The following MYO1D variants were observed in gnomAD, a reference collection of about 807,000 sequenced individuals.
The protein encoded by MYO1D is myosin ID.
Under a neutral mutation model 122.0 loss-of-function variants are expected in MYO1D, and 83 were observed. The ratio of observed to expected loss-of-function variants is 0.68; its 90% CI spans 0.57 to 0.82. The LOEUF (loss-of-function observed/expected upper bound fraction) is 0.82, where lower values mean the gene tolerates loss of function less well. Among genes scored for constraint, MYO1D ranks in the 40% least tolerant of loss-of-function variants. MYO1D has a pLI of 0.00. For missense variants in MYO1D, 1,157 were observed against 1,269.5 expected (o/e 0.91, Z 1.35); for synonymous variants, 464 against 446.9 (o/e 1.04, Z -0.48).
intron 11 of MYO1D, among the ~76,000 whole-genome samples, chr17:32,753,665 CA>C (rs759025928): frequency 2.0e-4 from 30 of 151,998 alleles, no homozygotes; most frequent in Non-Finnish European, 3.7e-4. Context: ...TGTGGAGACC[CA>C]TGTGGGCAGA....
At chr17:32,843,771 A>G (rs1296929308) in intron 1 of MYO1D, among the ~76,000 whole-genome samples, 1 of 152,232 alleles carries the variant, frequency 6.6e-6, no homozygotes, top group Non-Finnish European at 1.5e-5. Flanking sequence ...TAGAATTAAC[A>G]TGAAGAAAAT....
chr17:32,639,363 T>G (rs2955819), intron 19 of MYO1D, among the ~76,000 whole-genome samples: 42,028 of 128,138 alleles, frequency 0.33, 7,143 homozygotes, highest in East Asian at 0.39. Flanking sequence ...GGGAGAAATT[T>G]TGTGTGTGTG....
intron 16 of MYO1D, among the ~76,000 whole-genome samples, chr17:32,668,990 C>T (rs965456679): frequency 2.0e-5 from 3 of 152,034 alleles, no homozygotes; most frequent in Non-Finnish European, 4.4e-5. Context: ...GTGTGAGCCA[C>T]TGCGCCTGGC....
intron 1 of MYO1D, among the ~76,000 whole-genome samples, chr17:32,828,493 A>G (rs1191198426): frequency 6.8e-5 from 9 of 131,840 alleles, no homozygotes; most frequent in South Asian, 2.6e-4. Context: ...TCCAGCCTGG[A>G]CGACAGAGCG....
intron 12 of MYO1D, among the ~76,000 whole-genome samples, chr17:32,746,230 GTCT>G (rs1406618032): frequency 6.6e-6 from 1 of 152,124 alleles, no homozygotes; most frequent in Admixed American, 6.5e-5. Flanking sequence ...CCCGACCTAG[GTCT>G]TCTTAATACT....
rs575560234 is a variant in MYO1D at position 32,872,017 on chromosome 17, C to G, written c.95+4761G>C. 3.3e-5 allele frequency among the ~76,000 whole-genome samples: 5 copies of G among 152,196 alleles called. No homozygotes were observed. The South Asian group carries it at 1.0e-3, about 32-fold the overall frequency. On this transcript the variant is annotated intron_variant, in intron 1 of 21. Transcript: ENST00000318217. ...ATCAGGGTTGCTGGCAGGAACTGCTCCTGACCATGGAAGCAGGCAGGACTC... is the reference window on the plus strand; with the variant it reads ...ATCAGGGTTGCTGGCAGGAACTGCTGCTGACCATGGAAGCAGGCAGGACTC...
At chr17:32,787,284 C>A (rs1311190419) in intron 1 of MYO1D, among the ~76,000 whole-genome samples, 1 of 152,010 alleles carries the variant, frequency 6.6e-6, no homozygotes, top group African/African-American at 2.4e-5. Flanking sequence ...TATGTAAAAT[C>A]TTAAATTTTT....
chr17:32,763,581 A>G (rs2090024294), intron 8 of MYO1D, among the ~76,000 whole-genome samples: 1 of 152,224 alleles, frequency 6.6e-6, no homozygotes, highest in South Asian at 2.1e-4. Flanking sequence ...AAAAGTAACA[A>G]TAAAATATTA....
intron 1 of MYO1D, among the ~76,000 whole-genome samples, chr17:32,840,352 A>G (rs979038936): frequency 3.9e-5 from 6 of 152,256 alleles, no homozygotes; most frequent in African/African-American, 4.8e-5. Flanking sequence ...GCTTTTCTCA[A>G]CGTGGGAGTG....
intron 21 of MYO1D, among the ~76,000 whole-genome samples, chr17:32,515,448 T>C (rs1032477704): frequency 6.6e-6 from 1 of 152,154 alleles, no homozygotes. Context: ...TGTGCCTCCA[T>C]GCCCGGCTAA....
At chr17:32,681,634 G>A (rs1245817143) in intron 16 of MYO1D, among the ~76,000 whole-genome samples, 3 of 152,054 alleles carry the variant, frequency 2.0e-5, no homozygotes, top group Non-Finnish European at 4.4e-5. Flanking sequence ...TATAATTCCT[G>A]TTCTTTTACA....
At chr17:32,832,780 T>C (rs75975168) in intron 1 of MYO1D, among the ~76,000 whole-genome samples, 12 of 152,312 alleles carry the variant, frequency 7.9e-5, no homozygotes, top group Middle Eastern at 3.4e-3. Context: ...GAAAAGTAAA[T>C]GTAAAGAATA....
At chr17:32,526,727 A>G (rs1910355111) in intron 21 of MYO1D, among the ~76,000 whole-genome samples, 1 of 152,072 alleles carries the variant, frequency 6.6e-6, no homozygotes, top group African/African-American at 2.4e-5. Context: ...ATCATGGCTC[A>G]CTGCAGCCCC....
chr17:32,755,071 G>A (rs1384157392), intron 11 of MYO1D, among the ~76,000 whole-genome samples: 4 of 152,196 alleles, frequency 2.6e-5, no homozygotes, highest in African/African-American at 9.7e-5. Flanking sequence ...GTACAGCAGA[G>A]TGCACAACAC....
intron 1 of MYO1D, among the ~76,000 whole-genome samples, chr17:32,795,333 A>G (rs2090403328): frequency 6.6e-6 from 1 of 152,220 alleles, no homozygotes; most frequent in South Asian, 2.1e-4. Flanking sequence ...AAACACGGCA[A>G]GGAGAACACA....
chr17:32,653,578 C>G (rs1397457282), intron 19 of MYO1D, among the ~76,000 whole-genome samples: 2 of 140,866 alleles, frequency 1.4e-5, no homozygotes, highest in Non-Finnish European at 3.0e-5. Context: ...TGCTGTCCAG[C>G]CTGGACAACA....
chr17:32,851,662 T>A (rs1276389846), intron 1 of MYO1D, among the ~76,000 whole-genome samples: 1 of 152,242 alleles, frequency 6.6e-6, no homozygotes, highest in Non-Finnish European at 1.5e-5. Context: ...AAGACCATTT[T>A]TCCATGGACC....
At chr17:32,512,303 TA>T (rs370039550) in intron 21 of MYO1D, among the ~76,000 whole-genome samples, 9,241 of 118,214 alleles carry the variant, frequency 0.078, 882 homozygotes, top group African/African-American at 0.25. Flanking sequence ...TCTTATCTCA[TA>T]AAAAAAAAAA....
chr17:32,865,905 A>G (rs1467558062), intron 1 of MYO1D, among the ~76,000 whole-genome samples: 2 of 152,236 alleles, frequency 1.3e-5, no homozygotes, highest in African/African-American at 2.4e-5. Context: ...CACTTACTGG[A>G]ACCCTTCACT....
Sources: allele counts gnomAD v4.1 joint callset (sites outside exome capture counted in the v4.1 genomes callset), GRCh38; gene constraint gnomAD v4.1.1; transcripts MANE v1.5; gene names NCBI Gene and HGNC (gene_info 2026-07-23, HGNC 2026-07-21).